The following PLA2G6 variants were observed in gnomAD, a reference collection of about 807,000 sequenced individuals.
PLA2G6 encodes the protein phospholipase A2 group VI.
In PLA2G6, 62 loss-of-function variants were observed where a neutral mutation model predicts 83.8. That is an observed-to-expected ratio of 0.74 (90% CI 0.60 to 0.91). The LOEUF is 0.91. Ranked by LOEUF, PLA2G6 falls within the 40% of genes least tolerant of loss-of-function variation. PLA2G6 has a pLI of 0.00. For missense variants in PLA2G6, 944 were observed against 1,102.0 expected (o/e 0.86, Z 2.03); for synonymous variants, 417 against 449.8 (o/e 0.93, Z 0.92).
chr22:38,125,620 T>C (rs1352513047), intron 10 of PLA2G6: 1 of 466,420 alleles, frequency 2.1e-6, no homozygotes, highest in Non-Finnish European at 4.4e-6. Flanking sequence ...CGGCTGTGAG[T>C]TGCCACCCTG....
chr22:38,137,077 G>A (rs1349870009), intron 5 of PLA2G6: 1 of 152,192 alleles, frequency 6.6e-6, no homozygotes, highest in African/African-American at 2.4e-5. Context: ...CAGCTCTCTG[G>A]GCTATAGTGA....
Position 38,135,079 on chromosome 22 carries a change from G to A in PLA2G6, c.803C>T (p.Ala268Val), listed in dbSNP as rs762715738. The change falls in exon 6 of 17, where the codon GCG becomes GTG. Residue 268 changes from alanine to valine, a missense_variant. Transcript: ENST00000332509. ...SAMKFSQKGC[A>V]EMIISMDSSQ... ...GCTGTCCATGCTGATGATCATCTCC[G>A]CACACCTGGTGAGAGAGGGGCCCCG... The A allele has an allele frequency of 4.5e-5, 73 of 1,608,732 alleles. No individual in the cohort carries two copies. The highest frequency in any genetic ancestry group is 5.4e-5 in the Non-Finnish European group (63 of 1,176,464).
chr22:38,168,537 G>A (rs559472274), intron 2 of PLA2G6, among the ~76,000 whole-genome samples: 3 of 152,340 alleles, frequency 2.0e-5, no homozygotes, highest in South Asian at 2.1e-4. Context: ...GCCCCTATGA[G>A]AACGGCCATG....
intron 5 of PLA2G6, chr22:38,139,397 T>C (rs1284339424): frequency 2.2e-5 from 3 of 134,602 alleles, no homozygotes; most frequent in Non-Finnish European, 3.4e-5. Context: ...GGAATTAAGG[T>C]ACATTAAATA....
chr22:38,129,434 C>A lies in PLA2G6; in HGVS notation c.1186+20G>T. 2.0e-6 allele frequency: 3 copies of A among 1,533,282 alleles called. No homozygotes were observed. Among genetic ancestry groups the A allele is most frequent in the Non-Finnish European group, 2.7e-6 (3 of 1,106,618 alleles). The allele number at this position is 1,533,282 out of a possible 1,614,324, so 95.0% of individuals were successfully genotyped here. ...ACCCAACCCTCACCCCACTCCAGCC[C>A]CAGAGTGCAGAGCACATACGTCTGC... On this transcript the variant is annotated intron_variant, in intron 8 of 16. Coordinates refer to ENST00000332509, the MANE Select transcript of PLA2G6 (RefSeq NM_003560.4).
Position 38,148,869 on chromosome 22 carries a change from T to C in PLA2G6, c.210-3216A>G. The C allele has an allele frequency of 3.4e-5, 4 of 116,930 alleles. No individual in the cohort carries two copies. In the South Asian group the frequency reaches 8.6e-4, roughly 25 times the overall value. 7.2% of individuals were successfully genotyped at this position (116,930 alleles called of 1,614,324 possible). A position where few individuals can be genotyped will look rare whatever the true frequency, so the allele number is the denominator to read the frequency against. On this transcript the variant is annotated intron_variant, in intron 2 of 16. Coordinates refer to ENST00000332509, the MANE Select transcript of PLA2G6 (RefSeq NM_003560.4). ...GGCTCTAGATTATTTCTTTTTTTTT[T>C]TTTTTTTTTTTTTTTGAGACGGAGT...
At chr22:38,125,492 A>G (rs531700600) in intron 10 of PLA2G6, 1 of 341,878 alleles carries the variant, frequency 2.9e-6, no homozygotes, top group South Asian at 2.2e-5. Context: ...CTGGGAGTGG[A>G]GCTGCCTCTG....
At chr22:38,151,443 G>A (rs914269992) in intron 2 of PLA2G6, among the ~76,000 whole-genome samples, 4 of 151,996 alleles carry the variant, frequency 2.6e-5, no homozygotes, top group African/African-American at 7.2e-5. Flanking sequence ...GTTTTGCCAC[G>A]TAGCCCAGGC....
At position 38,126,688 on chromosome 22, in the gene PLA2G6, G is replaced by C. The variant is rs1358144941; in HGVS notation, c.1349-239C>G. The C allele has an allele frequency of 1.5e-5, 8 of 540,302 alleles. No individual in the cohort carries two copies. In the East Asian group the frequency reaches 2.3e-4, roughly 15 times the overall value. 33.5% of individuals were successfully genotyped at this position (540,302 alleles called of 1,614,324 possible). ...AAGGGGGGCCCACTGCTCTGGGAAGGGCTCCCCACCCTGCCCAGCCAGCTC... is the reference window on the plus strand; with the variant it reads ...AAGGGGGGCCCACTGCTCTGGGAAGCGCTCCCCACCCTGCCCAGCCAGCTC... On this transcript the variant is annotated intron_variant, in intron 9 of 16. Transcript: ENST00000332509.
Position 38,115,598 on chromosome 22 carries a change from G to A in PLA2G6, c.1963C>T (p.Leu655=). The change falls in exon 14 of 17, where the codon CTG becomes TTG. Residue 655 remains leucine, a synonymous_variant. Transcript: ENST00000332509. ...TCCAGCGTGGGGTTGTTGGCCAGCAGCCCACCGTCCAGGAAGCGCCCATTG... is the reference window on the plus strand; with the variant it reads ...TCCAGCGTGGGGTTGTTGGCCAGCAACCCACCGTCCAGGAAGCGCCCATTG... ...RPNGRFLDGG[L]LANNPTLDAM... is the part of the protein sequence containing the mutation. 1 of 1,613,104 alleles carries A rather than the reference G, an allele frequency of 6.2e-7. No individual in the cohort carries two copies. The highest frequency in any genetic ancestry group is 2.2e-5 in the East Asian group (1 of 44,868).
chr22:38,160,044 G>A (rs948399983), intron 2 of PLA2G6, among the ~76,000 whole-genome samples: 5 of 152,122 alleles, frequency 3.3e-5, no homozygotes, highest in African/African-American at 9.7e-5. Context: ...GTAAGAAAAA[G>A]ATAAACAACT....
At chr22:38,152,327 A>C (rs2089599814) in intron 2 of PLA2G6, among the ~76,000 whole-genome samples, 1 of 151,934 alleles carries the variant, frequency 6.6e-6, no homozygotes, top group Admixed American at 6.6e-5. Flanking sequence ...CAGCCTCCCG[A>C]GTAGCTAGGA....
At chr22:38,115,974 C>A in intron 13 of PLA2G6, 101 bp downstream of exon 13, 1 of 1,509,984 alleles carries the variant, frequency 6.6e-7, no homozygotes, top group Non-Finnish European at 9.1e-7. Context: ...GGGCTGGTGG[C>A]ACGGTGAGGG....
In PLA2G6 at chr22:38,111,651, T is replaced by A. The variant is rs2086877159; in HGVS notation, c.*510A>T. 5.0e-6 allele frequency: 1 copy of A among 200,678 alleles called. No homozygotes were observed. The highest frequency in any genetic ancestry group is 1.0e-5 in the Non-Finnish European group (1 of 96,108). The allele number at this position is 200,678 out of a possible 1,614,324, so 12.4% of individuals were successfully genotyped here. ...TGTGAGGGGCAAAGTCCAACGGGCA[T>A]CCCACTCCTGCGGCCTGGGCTTTCC... is the stretch of plus-strand genomic sequence containing the variant. On this transcript the variant is annotated 3_prime_UTR_variant, in exon 17 of 17. Transcript: ENST00000332509.
Position 38,112,095 on chromosome 22 carries a change from C to T in PLA2G6, c.*66G>A, listed in dbSNP as rs1191928635. ...CCAGATCTGCCCGGGAGGGCAGTGG[C>T]TGGGCTTGGCCTGGCAGGGGCTGAA... On this transcript the variant is annotated 3_prime_UTR_variant, in exon 17 of 17. Transcript: ENST00000332509. The T allele has an allele frequency of 5.2e-6, 8 of 1,537,986 alleles. No homozygotes were observed. Among genetic ancestry groups the T allele is most frequent in the Non-Finnish European group, 7.0e-6 (8 of 1,136,438 alleles).
chr22:38,158,997 G>A (rs2089903180), intron 2 of PLA2G6, among the ~76,000 whole-genome samples: 1 of 151,646 alleles, frequency 6.6e-6, no homozygotes, highest in African/African-American at 2.4e-5. Context: ...TCAGGAGTTC[G>A]AGACCAGCCT....
At position 38,128,414 on chromosome 22, in the gene PLA2G6, C is replaced by T. The variant is rs757483818; in HGVS notation, c.1203G>A (p.Ala401=). 3.6e-5 allele frequency: 58 copies of T among 1,614,044 alleles called. No individual in the cohort carries two copies. The South Asian group carries it at 5.2e-4, about 14-fold the overall frequency. The change falls in exon 9 of 17, where the codon GCG becomes GCA. Residue 401 remains alanine (A), a synonymous_variant. Coordinates refer to ENST00000332509, the MANE Select transcript of PLA2G6 (RefSeq NM_003560.4). This position sits in a 1 kb window ranked among gnomAD's most constrained non-coding sequence, Gnocchi z 4.4. ...SKIGRLVTRK[A]ILTLLRTVGA... ...CCACGGTTCTCAGCAGAGTCAAGAT[C>T]GCCTTCCTGGTGACAACTTGTCATG...
intron 1 of PLA2G6, among the ~76,000 whole-genome samples, chr22:38,175,791 G>A (rs2090609227): frequency 5.9e-5 from 9 of 152,174 alleles, no homozygotes; most frequent in Admixed American, 5.9e-4. Flanking sequence ...GCATCTGTTG[G>A]CTTGGGCTGC....
intron 2 of PLA2G6, among the ~76,000 whole-genome samples, chr22:38,164,892 G>A (rs1000008648): frequency 2.0e-5 from 3 of 152,126 alleles, no homozygotes; most frequent in African/African-American, 7.2e-5. Flanking sequence ...GTGTTGAGAG[G>A]AGCTGGGAGA....
Sources: allele counts gnomAD v4.1 joint callset (sites outside exome capture counted in the v4.1 genomes callset), GRCh38; gene constraint gnomAD v4.1.1; non-coding constraint Gnocchi (gnomAD v3.1); transcripts MANE v1.5; gene names NCBI Gene and HGNC (gene_info 2026-07-23, HGNC 2026-07-21).